CCSER1: variants seen among roughly 807,000 people sequenced by gnomAD.
CCSER1 encodes the protein serine-rich coiled-coil domain-containing protein 1.
In CCSER1, 41 loss-of-function variants were observed where a neutral mutation model predicts 82.0. The ratio of observed to expected loss-of-function variants is 0.50; its 90% CI spans 0.39 to 0.65. The LOEUF is 0.65. CCSER1 is among the 30% of genes least tolerant of loss of function. CCSER1 has a pLI of 0.00. For synonymous variants in CCSER1, 414 were observed against 383.9 expected (o/e 1.08, Z -0.92); for missense variants, 1,119 against 1,064.2 (o/e 1.05, Z -0.72).
At chr4:90,780,887 A>T (rs1320541446) in intron 7 of CCSER1, 1 of 714,492 alleles carries the variant, frequency 1.4e-6, no homozygotes, top group East Asian at 1.2e-4. Context: ...TAGGTGATTT[A>T]TAAGAAAAGG....
chr4:91,338,310 A>G (rs919222119), intron 10 of CCSER1, among the ~76,000 whole-genome samples: 5 of 152,144 alleles, frequency 3.3e-5, no homozygotes, highest in Non-Finnish European at 7.4e-5. Context: ...AGGAGGCATC[A>G]TGAGAAGAAT....
chr4:90,480,953 A>G (rs1367732153), intron 5 of CCSER1, among the ~76,000 whole-genome samples: 1 of 152,176 alleles, frequency 6.6e-6, no homozygotes, highest in East Asian at 1.9e-4. Flanking sequence ...CATTGAATCT[A>G]TAAATTAGTT....
intron 10 of CCSER1, among the ~76,000 whole-genome samples, chr4:91,249,018 T>A (rs1348822036): frequency 2.0e-5 from 3 of 152,166 alleles, no homozygotes; most frequent in Admixed American, 2.0e-4. Flanking sequence ...TTTTCTCTTT[T>A]GCTCTTGCTT....
intron 1 of CCSER1, among the ~76,000 whole-genome samples, chr4:90,205,474 G>A (rs781369474): frequency 8.5e-5 from 13 of 152,076 alleles, no homozygotes; most frequent in Non-Finnish European, 1.3e-4. Flanking sequence ...TTTTGTCTTC[G>A]GTTCTGTTTA....
In CCSER1 at chr4:90,591,413, G is replaced by A. The variant is rs1486008184; in HGVS notation, c.1725-36612G>A. ...ACTTCTCAAAAGAAGACATTGATGCGGCCAGCAAACATATGAAAAAAAGCT... is the reference window on the plus strand; with the variant it reads ...ACTTCTCAAAAGAAGACATTGATGCAGCCAGCAAACATATGAAAAAAAGCT... On this transcript the variant is annotated intron_variant, in intron 5 of 10. Transcript: ENST00000509176. 3.3e-5 allele frequency among the ~76,000 whole-genome samples: 5 copies of A among 151,896 alleles called. 1 individual carries two copies. In the South Asian group the frequency reaches 8.3e-4, roughly 25 times the overall value.
chr4:90,771,728 A>C (rs1752211143), intron 7 of CCSER1, among the ~76,000 whole-genome samples: 1 of 152,040 alleles, frequency 6.6e-6, no homozygotes, highest in Non-Finnish European at 1.5e-5. Context: ...AGATCTTGAT[A>C]TTGGCATGGG....
At chr4:90,998,915 C>G (rs773616890) in intron 9 of CCSER1, among the ~76,000 whole-genome samples, 5 of 152,070 alleles carry the variant, frequency 3.3e-5, no homozygotes, top group Non-Finnish European at 5.9e-5. Flanking sequence ...TCCCCAGTGT[C>G]TATTGTTGCT....
intron 10 of CCSER1, among the ~76,000 whole-genome samples, chr4:91,124,453 C>T (rs1007968669): frequency 6.6e-6 from 1 of 151,710 alleles, no homozygotes; most frequent in Non-Finnish European, 1.5e-5. Flanking sequence ...TATTTATCCT[C>T]ATGAACAGTT....
intron 9 of CCSER1, among the ~76,000 whole-genome samples, chr4:90,968,663 T>C (rs1734799648): frequency 6.6e-6 from 1 of 152,026 alleles, no homozygotes; most frequent in South Asian, 2.1e-4. Flanking sequence ...CAAGAATCCA[T>C]ATCCAGGCTG....
chr4:91,060,325 A>G (rs1017321898), intron 9 of CCSER1, among the ~76,000 whole-genome samples: 4 of 152,060 alleles, frequency 2.6e-5, no homozygotes, highest in Admixed American at 6.6e-5. Flanking sequence ...TAGCTTTAAT[A>G]AACAGAAGAA....
chr4:91,362,105 G>T (rs910510735), intron 10 of CCSER1, among the ~76,000 whole-genome samples: 8 of 151,826 alleles, frequency 5.3e-5, no homozygotes, highest in African/African-American at 1.9e-4. Context: ...AAGTGTGGCT[G>T]CAGAGAAGGA....
chr4:90,802,407 T>C (rs1756953606), intron 7 of CCSER1, among the ~76,000 whole-genome samples: 1 of 151,136 alleles, frequency 6.6e-6, no homozygotes, highest in Non-Finnish European at 1.5e-5. Flanking sequence ...TAAATAGTAT[T>C]TCAATAGTAT....
At chr4:91,471,096 C>T (rs908458628) in intron 10 of CCSER1, among the ~76,000 whole-genome samples, 1 of 152,076 alleles carries the variant, frequency 6.6e-6, no homozygotes, top group Non-Finnish European at 1.5e-5. Context: ...GTGCCATGGG[C>T]TAATCGTATC....
chr4:90,299,939 A>C (rs1405749706), intron 1 of CCSER1, among the ~76,000 whole-genome samples: 1 of 152,076 alleles, frequency 6.6e-6, no homozygotes, highest in African/African-American at 2.4e-5. Flanking sequence ...TCATTTTCTT[A>C]ATGTTAAAAT....
intron 4 of CCSER1, among the ~76,000 whole-genome samples, chr4:90,421,411 G>A (rs1033822783): frequency 9.2e-5 from 14 of 152,154 alleles, no homozygotes; most frequent in Non-Finnish European, 2.1e-4. Context: ...CTGGATAGTA[G>A]AATGATAGTA....
intron 8 of CCSER1, among the ~76,000 whole-genome samples, chr4:90,853,506 G>T (rs891458553): frequency 6.6e-6 from 1 of 151,956 alleles, no homozygotes; most frequent in Non-Finnish European, 1.5e-5. Context: ...TGTTATTTTT[G>T]ATCAATATGT....
chr4:90,263,881 C>G (rs1040741605), intron 1 of CCSER1, among the ~76,000 whole-genome samples: 1 of 152,172 alleles, frequency 6.6e-6, no homozygotes, highest in Non-Finnish European at 1.5e-5. Context: ...TTATACTCCC[C>G]TCTGGAACAT....
At chr4:90,700,371 C>T (rs1737829313) in intron 6 of CCSER1, among the ~76,000 whole-genome samples, 1 of 152,164 alleles carries the variant, frequency 6.6e-6, no homozygotes, top group Non-Finnish European at 1.5e-5. Flanking sequence ...GCCACATTTT[C>T]TTAATTCAGT....
chr4:91,382,624 G>GA (rs1425509093), intron 10 of CCSER1, among the ~76,000 whole-genome samples: 2 of 152,110 alleles, frequency 1.3e-5, no homozygotes, highest in East Asian at 1.9e-4. Context: ...CCTTGGCTAG[G>GA]AAAGGGAATT....
Sources: gnomAD v4.1 joint callset for allele counts (sites outside exome capture counted in the v4.1 genomes callset) on GRCh38, gnomAD v4.1.1 for gene constraint, MANE v1.5 for transcripts, NCBI Gene and HGNC (gene_info 2026-07-23, HGNC 2026-07-21) for gene names.